GNB4: variants seen among roughly 807,000 people sequenced by gnomAD.
GNB4 encodes guanine nucleotide-binding protein subunit beta-4.
GNB4 carries 28 observed loss-of-function variants against 45.2 expected under a neutral mutation model. That is an observed-to-expected ratio of 0.62 (90% CI 0.46 to 0.85). The LOEUF (loss-of-function observed/expected upper bound fraction) is 0.85, where lower values mean the gene tolerates loss of function less well. Ranked by LOEUF, GNB4 falls within the 40% of genes least tolerant of loss-of-function variation. The pLI is 0.00. For synonymous variants in GNB4, 132 were observed against 143.7 expected, an observed-to-expected ratio of 0.92 and a Z score of 0.58; for missense variants, 321 against 425.4, an observed-to-expected ratio of 0.75 and a Z score of 2.16.
the GNB4 span, among the ~76,000 whole-genome samples, chr3:179,499,155 CTTTTT>C: frequency 2.7e-5 from 3 of 111,510 alleles, no homozygotes; most frequent in Non-Finnish European, 3.6e-5. Context: ...GCCACATTTT[CTTTTT>C]TTTTTTTTTT....
the GNB4 span, among the ~76,000 whole-genome samples, chr3:179,459,489 C>A: frequency 6.6e-6 from 1 of 152,118 alleles, no homozygotes; most frequent in African/African-American, 2.4e-5. Flanking sequence ...TCGAGATCAG[C>A]CTGGGCAACA....
At position 179,399,903 on chromosome 3, in the gene GNB4, C is replaced by A. The variant is rs889296673; in HGVS notation, c.*1310G>T. The A allele has an allele frequency of 1.3e-5, 2 of 152,224 alleles. No individual in the cohort carries two copies. The highest frequency in any genetic ancestry group is 2.9e-5 in the Non-Finnish European group (2 of 68,042). 9.4% of individuals were successfully genotyped at this position (152,224 alleles called of 1,614,324 possible). A position where few individuals can be genotyped will look rare whatever the true frequency, so the allele number is the denominator to read the frequency against. On this transcript the variant is annotated 3_prime_UTR_variant, in exon 10 of 10. Transcript: ENST00000232564. ...AAAGAGAATCCAACAGGAAAAGTAT[C>A]TTTAACTTGGTCGTGGGGGACTTCT...
the GNB4 span, among the ~76,000 whole-genome samples, chr3:179,507,882 A>G: frequency 6.6e-6 from 1 of 152,214 alleles, no homozygotes; most frequent in Non-Finnish European, 1.5e-5. Context: ...TGATTGGCAC[A>G]TAGTTAATGC....
chr3:179,502,796 T>G, the GNB4 span, among the ~76,000 whole-genome samples: 1 of 152,232 alleles, frequency 6.6e-6, no homozygotes, highest in Non-Finnish European at 1.5e-5. Flanking sequence ...AATCAGAGAT[T>G]AAAACTCAGA....
the GNB4 span, among the ~76,000 whole-genome samples, chr3:179,503,648 C>A: frequency 6.6e-6 from 1 of 152,098 alleles, no homozygotes; most frequent in African/African-American, 2.4e-5. Context: ...TTCCAAGACC[C>A]TTATAATTAA....
the GNB4 span, among the ~76,000 whole-genome samples, chr3:179,487,557 A>T: frequency 6.6e-6 from 1 of 152,236 alleles, no homozygotes; most frequent in Admixed American, 6.5e-5. Context: ...AATAGAGATC[A>T]TAAGACTGAC....
At chr3:179,441,964 C>T (rs1178972674) in intron 1 of GNB4, among the ~76,000 whole-genome samples, 4 of 151,826 alleles carry the variant, frequency 2.6e-5, no homozygotes, top group African/African-American at 9.7e-5. Flanking sequence ...CCCGCCACCA[C>T]GCCTGGCTAA....
upstream of GNB4, among the ~76,000 whole-genome samples, chr3:179,454,567 C>T (rs1397208256): frequency 1.3e-5 from 2 of 152,174 alleles, no homozygotes; most frequent in Non-Finnish European, 2.9e-5. Flanking sequence ...GAATGCTGTA[C>T]TCAGTGAGCT....
At chr3:179,507,137 G>A in the GNB4 span, among the ~76,000 whole-genome samples, 253 of 152,256 alleles carry the variant, frequency 1.7e-3, no homozygotes, top group African/African-American at 5.4e-3. Flanking sequence ...TTCATGCATC[G>A]TAAATAAGTT....
At chr3:179,511,652 A>G in the GNB4 span, among the ~76,000 whole-genome samples, 1 of 152,134 alleles carries the variant, frequency 6.6e-6, no homozygotes. Flanking sequence ...AGTGGCTCAT[A>G]AGGTTATTAT....
At chr3:179,433,757 A>G (rs1258709540) in intron 1 of GNB4, among the ~76,000 whole-genome samples, 1 of 152,174 alleles carries the variant, frequency 6.6e-6, no homozygotes, top group African/African-American at 2.4e-5. Context: ...GCTAAAATTC[A>G]AATAATGAAT....
rs139897473 is a variant in GNB4 at position 179,447,769 on chromosome 3, T to C, written c.-43+3577A>G. ...AAAGATGGTCCAATCTGCAGTGATT[T>C]TGAAGGTAGAGCCCATAATACTTGC... is the stretch of plus-strand genomic sequence containing the variant. On this transcript the variant is annotated intron_variant, in intron 1 of 9. Transcript: ENST00000232564. Among the ~76,000 whole-genome samples, 3 of 152,270 alleles carry C rather than the reference T, an allele frequency of 2.0e-5. No homozygotes were observed. In the East Asian group the frequency reaches 5.8e-4, roughly 29 times the overall value.
chr3:179,517,197 C>T, the GNB4 span, among the ~76,000 whole-genome samples: 2 of 152,092 alleles, frequency 1.3e-5, no homozygotes, highest in South Asian at 4.2e-4. Flanking sequence ...CCTGTTCCTG[C>T]CTTAACTGAT....
chr3:179,405,871 T>A (rs1233263955), intron 8 of GNB4: 1 of 152,542 alleles, frequency 6.6e-6, no homozygotes, highest in South Asian at 2.1e-4. Flanking sequence ...GTGTATTTGG[T>A]AAAACCCAAA....
At chr3:179,444,300 A>G (rs1715665337) in intron 1 of GNB4, among the ~76,000 whole-genome samples, 1 of 152,166 alleles carries the variant, frequency 6.6e-6, no homozygotes, top group South Asian at 2.1e-4. Flanking sequence ...CCTGTTCATA[A>G]ATTTTAATTC....
At chr3:179,525,522 A>G in the GNB4 span, among the ~76,000 whole-genome samples, 9 of 150,104 alleles carry the variant, frequency 6.0e-5, no homozygotes, top group Non-Finnish European at 1.2e-4. Flanking sequence ...AAAGCAGGCA[A>G]CCCCGCAATT....
the GNB4 span, among the ~76,000 whole-genome samples, chr3:179,457,184 A>C: frequency 6.6e-6 from 1 of 152,242 alleles, no homozygotes; most frequent in Non-Finnish European, 1.5e-5. Context: ...TTCTTACCCC[A>C]AGGAATATTT....
intron 2 of GNB4, among the ~76,000 whole-genome samples, chr3:179,424,544 G>T (rs551290925): frequency 6.6e-6 from 1 of 152,168 alleles, no homozygotes; most frequent in African/African-American, 2.4e-5. Flanking sequence ...CTTTTCTGGT[G>T]AATGTTCTTC....
Position 179,431,839 on chromosome 3 carries a change from C to T in GNB4, c.-42-5597G>A, listed in dbSNP as rs188297070. ...ATTCCTCAGTGTGTTCAGCTGTTAA[C>T]AGCTTAATTTGTCCACTGTGGAGTT... On this transcript the variant is annotated intron_variant, in intron 1 of 9. Coordinates refer to ENST00000232564, the MANE Select transcript of GNB4 (RefSeq NM_021629.4). Among the ~76,000 whole-genome samples the T allele has an allele frequency of 2.8e-3, 432 of 152,322 alleles. 5 individuals are homozygous for T. Among genetic ancestry groups the T allele is most frequent in the African/African-American group, 0.01 (424 of 41,578 alleles).
Sources: gnomAD v4.1 joint callset for allele counts (sites outside exome capture counted in the v4.1 genomes callset) on GRCh38, gnomAD v4.1.1 for gene constraint, MANE v1.5 for transcripts, NCBI Gene and HGNC (gene_info 2026-07-23, HGNC 2026-07-21) for gene names.